LRP1B: variants seen among roughly 807,000 people sequenced by gnomAD.
The protein encoded by LRP1B is LDL receptor related protein 1B, also known as low-density lipoprotein receptor-related protein 1B.
A neutral mutation model predicts 556.6 loss-of-function variants in LRP1B; 217 were observed. That is an observed-to-expected ratio of 0.39 (90% CI 0.35 to 0.44). The LOEUF (loss-of-function observed/expected upper bound fraction) is 0.44, where lower values mean the gene tolerates loss of function less well. Among genes scored for constraint, LRP1B ranks in the 20% least tolerant of loss-of-function variants. The pLI is 1.00. For missense variants in LRP1B, 5,053 were observed against 5,620.8 expected (o/e 0.90, Z 3.23); for synonymous variants, 2,047 against 1,865.8 (o/e 1.10, Z -2.50).
chr2:141,631,918 T>TC (rs1688927076), intron 2 of LRP1B, among the ~76,000 whole-genome samples: 1 of 151,284 alleles, frequency 6.6e-6, no homozygotes, highest in Admixed American at 6.6e-5. Flanking sequence ...TTTTCATTTC[T>TC]TTTTTTTTAG....
At chr2:140,537,557 C>A (rs1679965976) in intron 45 of LRP1B, among the ~76,000 whole-genome samples, 1 of 152,032 alleles carries the variant, frequency 6.6e-6, no homozygotes, top group Non-Finnish European at 1.5e-5. Context: ...CAGACTCTTT[C>A]TTGCTGCCAT....
chr2:141,154,057 A>G (rs1026603821), intron 7 of LRP1B, among the ~76,000 whole-genome samples: 3 of 151,838 alleles, frequency 2.0e-5, no homozygotes, highest in East Asian at 3.9e-4. Flanking sequence ...GAGGTCTGCT[A>G]TGTTAGATAT....
chr2:140,819,267 T>G (rs1483928776), intron 31 of LRP1B, among the ~76,000 whole-genome samples: 1 of 152,194 alleles, frequency 6.6e-6, no homozygotes, highest in Admixed American at 6.5e-5. Context: ...TCTGGTAATC[T>G]CACAACTGAT....
At chr2:141,019,062 T>C (rs980878507) in intron 12 of LRP1B, among the ~76,000 whole-genome samples, 1 of 152,072 alleles carries the variant, frequency 6.6e-6, no homozygotes, top group African/African-American at 2.4e-5. Context: ...CAAAAAACTA[T>C]ACATGTAAAA....
At chr2:140,521,084 T>A (rs1690151005) in intron 49 of LRP1B, among the ~76,000 whole-genome samples, 1 of 151,972 alleles carries the variant, frequency 6.6e-6, no homozygotes, top group Admixed American at 6.6e-5. Flanking sequence ...TTATTGAGAT[T>A]CATGAGAGAG....
intron 35 of LRP1B, among the ~76,000 whole-genome samples, chr2:140,721,813 T>A (rs1181559519): frequency 1.3e-5 from 2 of 151,632 alleles, no homozygotes; most frequent in African/African-American, 4.8e-5. Flanking sequence ...CACCTCGGCT[T>A]TTGACATACC....
chr2:140,820,025 A>T (rs1691266103), intron 31 of LRP1B, among the ~76,000 whole-genome samples: 1 of 152,170 alleles, frequency 6.6e-6, no homozygotes, highest in African/African-American at 2.4e-5. Flanking sequence ...TTCAAGACAG[A>T]GTCTCGCTCT....
intron 3 of LRP1B, among the ~76,000 whole-genome samples, chr2:141,461,137 T>C (rs10928104): frequency 0.71 from 108,267 of 151,888 alleles, 40,342 homozygotes; most frequent in East Asian, 0.86. Flanking sequence ...AGAACTCAGC[T>C]AAGGACAGAG....
intron 37 of LRP1B, among the ~76,000 whole-genome samples, chr2:140,713,088 T>C (rs1340898292): frequency 6.6e-6 from 1 of 152,120 alleles, no homozygotes; most frequent in African/African-American, 2.4e-5. Context: ...TGAATTCTGT[T>C]GGAATAAGTA....
intron 2 of LRP1B, among the ~76,000 whole-genome samples, chr2:141,615,809 T>G (rs1688274776): frequency 6.6e-6 from 1 of 152,174 alleles, no homozygotes. Flanking sequence ...AAGTAAGGTC[T>G]TAGCATTTAT....
chr2:141,922,131 C>G (rs1275469609), intron 1 of LRP1B, among the ~76,000 whole-genome samples: 1 of 152,086 alleles, frequency 6.6e-6, no homozygotes. Context: ...GTCTCTTAGA[C>G]CTAAACATTA....
chr2:141,481,461 G>A (rs1682915581), intron 2 of LRP1B, among the ~76,000 whole-genome samples: 2 of 152,112 alleles, frequency 1.3e-5, no homozygotes, highest in Non-Finnish European at 2.9e-5. Flanking sequence ...TATTGCAACA[G>A]CCTTGATTCT....
At chr2:140,421,152 G>A (rs1034347248) in intron 66 of LRP1B, among the ~76,000 whole-genome samples, 1 of 152,086 alleles carries the variant, frequency 6.6e-6, no homozygotes, top group African/African-American at 2.4e-5. Context: ...CCACTCGGGA[G>A]GCTGAGGCAG....
At chr2:140,589,965 T>C (rs1452211982) in intron 43 of LRP1B, among the ~76,000 whole-genome samples, 2 of 152,112 alleles carry the variant, frequency 1.3e-5, no homozygotes, top group Non-Finnish European at 2.9e-5. Context: ...GGTTGTGAGA[T>C]TGTACTATAC....
At position 140,705,064 on chromosome 2, in the gene LRP1B, A is replaced by G. The variant is rs527796975; in HGVS notation, c.6024-2511T>C. Among the ~76,000 whole-genome samples the G allele has an allele frequency of 3.3e-5, 5 of 152,262 alleles. No homozygotes were observed. In the East Asian group the frequency reaches 9.6e-4, roughly 29 times the overall value. On this transcript the variant is annotated intron_variant, in intron 37 of 90. Coordinates refer to ENST00000389484, the MANE Select transcript of LRP1B (RefSeq NM_018557.3). ...AGTCCACATGGCCAATAAGAGGGCA[A>G]GCCAAGAACCACACTCAGGCTTTAC... is the stretch of plus-strand genomic sequence containing the variant.
At chr2:142,110,647 T>A (rs949146355) in intron 1 of LRP1B, among the ~76,000 whole-genome samples, 7 of 152,188 alleles carry the variant, frequency 4.6e-5, no homozygotes, top group Non-Finnish European at 8.8e-5. Context: ...CAAGGATCTT[T>A]CCTTTGATAA....
chr2:141,162,772 G>A (rs1432546714), intron 7 of LRP1B, among the ~76,000 whole-genome samples: 1 of 152,066 alleles, frequency 6.6e-6, no homozygotes, highest in African/African-American at 2.4e-5. Context: ...TTCATAGATA[G>A]TTTATCAGTG....
chr2:141,306,282 T>A (rs1469747587), intron 3 of LRP1B, among the ~76,000 whole-genome samples: 1 of 152,124 alleles, frequency 6.6e-6, no homozygotes, highest in African/African-American at 2.4e-5. Flanking sequence ...GTAATGGACT[T>A]TTTTTAATTA....
chr2:140,328,087 A>ATGTC (rs1434823888), intron 79 of LRP1B, among the ~76,000 whole-genome samples: 2 of 152,016 alleles, frequency 1.3e-5, no homozygotes, highest in Admixed American at 6.6e-5. Context: ...TTAAAATATC[A>ATGTC]TGTCTTCTTT....
Sources: gnomAD v4.1 joint callset for allele counts (sites outside exome capture counted in the v4.1 genomes callset) on GRCh38, gnomAD v4.1.1 for gene constraint, MANE v1.5 for transcripts, NCBI Gene and HGNC (gene_info 2026-07-23, HGNC 2026-07-21) for gene names.